The following NOD1 variants were observed in gnomAD, a reference collection of about 807,000 sequenced individuals.
NOD1 encodes nucleotide binding oligomerization domain containing 1, also known as nucleotide-binding oligomerization domain-containing protein 1.
NOD1 carries 70 observed loss-of-function variants against 81.2 expected under a neutral mutation model. The observed-to-expected ratio is 0.86, with a 90% CI of 0.71 to 1.05. The LOEUF (loss-of-function observed/expected upper bound fraction) is 1.05. NOD1 is among the 50% of genes least tolerant of loss of function. The pLI, the probability that NOD1 is intolerant of heterozygous loss-of-function variation, is 0.00. For synonymous variants in NOD1, 508 were observed against 526.9 expected (o/e 0.96, Z 0.49); for missense variants, 1,233 against 1,228.0 (o/e 1.00, Z -0.06).
Position 30,446,165 on chromosome 7 carries a change from T to C in NOD1, c.2429A>G (p.Asn810Ser). 3 of 1,613,606 alleles carry C rather than the reference T, an allele frequency of 1.9e-6. No individual in the cohort carries two copies. The highest frequency in any genetic ancestry group is 2.5e-6 in the Non-Finnish European group (3 of 1,179,672). ...CCCAACCTCAGAGATTGATTTGCTGTTCTTCACAGCCAGGGCGAGATACTT... is the reference window on the plus strand; with the variant it reads ...CCCAACCTCAGAGATTGATTTGCTGCTCTTCACAGCCAGGGCGAGATACTT... ...GGKYLALAVKNSKSISEVGMW... is the reference protein window; with the variant it reads ...GGKYLALAVKSSKSISEVGMW... The change falls in exon 9 of 14, where the codon AAC (asparagine) becomes AGC (serine). Residue 810 changes from asparagine to serine, a missense_variant. Transcript: ENST00000222823.
At chr7:30,466,848 G>A (rs78188315) in intron 1 of NOD1, among the ~76,000 whole-genome samples, 3,268 of 152,212 alleles carry the variant, frequency 0.021, 45 homozygotes, top group Middle Eastern at 0.054. Context: ...AATCTATATA[G>A]GGAGATACTG....
chr7:30,425,452 G>A lies in NOD1; in HGVS notation c.*186C>T, dbSNP rs1294078368. The A allele has an allele frequency of 9.8e-6, 6 of 609,972 alleles. No homozygotes were observed. The highest frequency in any genetic ancestry group is 3.7e-5 in the African/African-American group (2 of 53,862). The allele number at this position is 609,972 out of a possible 1,614,324, so 37.8% of individuals were successfully genotyped here. Reference sequence around the variant, plus strand: ...CATTCTTTTTCTGCAGAATTGTAGCGGGTACTTAGGGAGTTTGCCGACCAG... The same window carrying A: ...CATTCTTTTTCTGCAGAATTGTAGCAGGTACTTAGGGAGTTTGCCGACCAG... On this transcript the variant is annotated 3_prime_UTR_variant, in exon 14 of 14. Transcript: ENST00000222823.
chr7:30,425,567 A>G lies in NOD1; in HGVS notation c.*71T>C. The G allele has an allele frequency of 8.7e-7, 1 of 1,148,194 alleles. No homozygotes were observed. Among genetic ancestry groups the G allele is most frequent in the Non-Finnish European group, 1.3e-6 (1 of 754,726 alleles). The allele number at this position is 1,148,194 out of a possible 1,614,324, so 71.1% of individuals were successfully genotyped here. A position where few individuals can be genotyped will look rare whatever the true frequency, so the allele number is the denominator to read the frequency against. On this transcript the variant is annotated 3_prime_UTR_variant, in exon 14 of 14. Coordinates refer to ENST00000222823, the MANE Select transcript of NOD1 (RefSeq NM_006092.4). ...CAGGCCCCTTTAAGACACTGACACA[A>G]AAGACTGCCCAGAGTGGCATTTGCT...
At chr7:30,435,974 A>C (rs1459847222) in intron 11 of NOD1, 24 bp downstream of exon 11, 2 of 1,593,124 alleles carry the variant, frequency 1.3e-6, no homozygotes, top group Non-Finnish European at 8.6e-7. Flanking sequence ...ACAAACAAAC[A>C]AATGAAATGA....
At chr7:30,429,542 G>T in intron 12 of NOD1, 85 bp from the exon 13 acceptor site, 1 of 1,190,404 alleles carries the variant, frequency 8.4e-7, no homozygotes. Context: ...GGGTGTTTTG[G>T]GATAAGAGAC....
chr7:30,428,488 AATG>A (rs1783655783), intron 13 of NOD1: 1 of 152,222 alleles, frequency 6.6e-6, no homozygotes, highest in African/African-American at 2.4e-5. Flanking sequence ...AGATGAATGA[AATG>A]ATACTTTCAT....
intron 1 of NOD1, among the ~76,000 whole-genome samples, chr7:30,475,507 C>T (rs943090929): frequency 6.6e-5 from 10 of 152,174 alleles, no homozygotes; most frequent in Admixed American, 1.3e-4. Flanking sequence ...CTTTTAATTT[C>T]CATGCAGTAT....
chr7:30,436,116 GAC>G (rs1158732684), intron 10 of NOD1, 35 bp from the exon 11 acceptor site: 1 of 1,501,374 alleles, frequency 6.7e-7, no homozygotes, highest in East Asian at 2.3e-5. Flanking sequence ...AATTATTAAA[GAC>G]ACATCTACAT....
chr7:30,433,066 A>T (rs1329343779), intron 12 of NOD1, 30 bp downstream of exon 12: 8 of 1,487,602 alleles, frequency 5.4e-6, no homozygotes, highest in Non-Finnish European at 5.6e-6. Flanking sequence ...AAAGTAGCAC[A>T]GTCTGAAATT....
intron 1 of NOD1, among the ~76,000 whole-genome samples, chr7:30,475,414 C>A (rs1419773261): frequency 6.6e-6 from 1 of 152,206 alleles, no homozygotes; most frequent in Non-Finnish European, 1.5e-5. Context: ...ATTATCTGGG[C>A]CCTTACTACA....
chr7:30,461,466 C>T (rs531942602), intron 1 of NOD1, among the ~76,000 whole-genome samples: 1 of 152,330 alleles, frequency 6.6e-6, no homozygotes, highest in East Asian at 1.9e-4. Flanking sequence ...GTGTGAGCCA[C>T]TGCACCCAGC....
At chr7:30,459,448 C>T (rs946036395) in intron 2 of NOD1, among the ~76,000 whole-genome samples, 1 of 152,184 alleles carries the variant, frequency 6.6e-6, no homozygotes, top group African/African-American at 2.4e-5. Context: ...TGAGTCACAC[C>T]TGTCCTTTAT....
intron 11 of NOD1, among the ~76,000 whole-genome samples, chr7:30,435,517 G>A (rs1784305518): frequency 6.6e-6 from 1 of 152,138 alleles, no homozygotes; most frequent in South Asian, 2.1e-4. Flanking sequence ...ACCTGTTTAT[G>A]CTTGTAGAAG....
At chr7:30,458,334 G>C (rs1428747128) in intron 3 of NOD1, among the ~76,000 whole-genome samples, 1 of 152,076 alleles carries the variant, frequency 6.6e-6, no homozygotes, top group East Asian at 1.9e-4. Flanking sequence ...TTTGTCGTTT[G>C]TCTAGGCAGG....
chr7:30,437,005 A>C (rs892892983), intron 10 of NOD1, among the ~76,000 whole-genome samples: 2 of 152,244 alleles, frequency 1.3e-5, no homozygotes, highest in Non-Finnish European at 2.9e-5. Flanking sequence ...CTGGATAAAG[A>C]AAATGTGGCA....
At chr7:30,465,529 A>T (rs898351450) in intron 1 of NOD1, among the ~76,000 whole-genome samples, 1 of 151,892 alleles carries the variant, frequency 6.6e-6, no homozygotes, top group Non-Finnish European at 1.5e-5. Context: ...ACAAGACTAG[A>T]CTCCATCCCA....
Position 30,425,413 on chromosome 7 carries a change from C to A in NOD1, c.*225G>T, listed in dbSNP as rs553717706. The A allele has an allele frequency of 2.6e-4, 151 of 580,824 alleles. 1 individual carries two copies. In the South Asian group the frequency reaches 3.0e-3, roughly 12 times the overall value. The allele number at this position is 580,824 out of a possible 1,614,324, so 36.0% of individuals were successfully genotyped here. On this transcript the variant is annotated 3_prime_UTR_variant, in exon 14 of 14. Coordinates refer to ENST00000222823, the MANE Select transcript of NOD1 (RefSeq NM_006092.4). ...CACAGTGTATTTACTGTAACTACAACAGCTCGCAAGACACATTCTTTTTCT... is the reference window on the plus strand; with the variant it reads ...CACAGTGTATTTACTGTAACTACAAAAGCTCGCAAGACACATTCTTTTTCT...
intron 1 of NOD1, among the ~76,000 whole-genome samples, chr7:30,472,592 G>A (rs943752029): frequency 3.9e-5 from 6 of 152,266 alleles, no homozygotes; most frequent in Non-Finnish European, 4.4e-5. Context: ...TGGTGAGGGA[G>A]AACCCCCGAT....
At chr7:30,456,085 A>G (rs573113945) in intron 4 of NOD1, among the ~76,000 whole-genome samples, 1 of 152,358 alleles carries the variant, frequency 6.6e-6, no homozygotes, top group Admixed American at 6.5e-5. Context: ...AGAGAAGAGA[A>G]CAAAGCACAC....
Sources: allele counts gnomAD v4.1 joint callset (sites outside exome capture counted in the v4.1 genomes callset), GRCh38; gene constraint gnomAD v4.1.1; transcripts MANE v1.5; gene names NCBI Gene and HGNC (gene_info 2026-07-23, HGNC 2026-07-21).